The following KCNJ16 variants were observed in gnomAD, a reference collection of about 807,000 sequenced individuals.
KCNJ16 encodes inward rectifier potassium channel 16.
Under a neutral mutation model 18.5 loss-of-function variants are expected in KCNJ16, and 15 were observed. That is an observed-to-expected ratio of 0.81 (90% CI 0.54 to 1.25). KCNJ16 has a LOEUF of 1.25. KCNJ16 is among the 50% of genes most tolerant of loss of function. KCNJ16 has a pLI of 0.00. For synonymous variants in KCNJ16, 174 were observed against 186.5 expected, an observed-to-expected ratio of 0.93 and a Z score of 0.55; for missense variants, 523 against 525.7, an observed-to-expected ratio of 0.99 and a Z score of 0.05.
rs977453964 is a variant in KCNJ16 at position 70,134,187 on chromosome 17, T to G, written c.*843T>G. ...AAGGGACAGGATCATACAGATGAGGTGAGGGGATGGTTAGCAGCGATAAAC... is the reference window on the plus strand; with the variant it reads ...AAGGGACAGGATCATACAGATGAGGGGAGGGGATGGTTAGCAGCGATAAAC... On this transcript the variant is annotated 3_prime_UTR_variant, in exon 4 of 4. Transcript: ENST00000392671. 2.4e-5 allele frequency: 4 copies of G among 166,150 alleles called. No homozygotes were observed. The highest frequency in any genetic ancestry group is 9.7e-5 in the African/African-American group (4 of 41,126). The allele number at this position is 166,150 out of a possible 1,614,324, so 10.3% of individuals were successfully genotyped here.
At chr17:70,113,596 T>C (rs764743369) in intron 2 of KCNJ16, among the ~76,000 whole-genome samples, 1 of 152,182 alleles carries the variant, frequency 6.6e-6, no homozygotes, top group African/African-American at 2.4e-5. Context: ...CAGGGAAAAG[T>C]GCTCCCATCT....
chr17:70,090,997 CTCTTA>C (rs10524283), intron 1 of KCNJ16, among the ~76,000 whole-genome samples: 125,154 of 151,548 alleles, frequency 0.83, 51,879 homozygotes, highest in East Asian at 0.95. Flanking sequence ...GCCTCCACTT[CTCTTA>C]TATGACTCCA....
chr17:70,092,263 C>G (rs1428693448), intron 1 of KCNJ16, among the ~76,000 whole-genome samples: 1 of 152,056 alleles, frequency 6.6e-6, no homozygotes, highest in African/African-American at 2.4e-5. Context: ...GTTTACCTTC[C>G]TCCAAGAAAA....
intron 2 of KCNJ16, among the ~76,000 whole-genome samples, chr17:70,118,005 G>A (rs2073479674): frequency 6.6e-6 from 1 of 152,180 alleles, no homozygotes; most frequent in Admixed American, 6.6e-5. Context: ...ACTCAACTTT[G>A]TAAGTTTGTG....
At chr17:70,128,625 T>C (rs1163246815) in intron 2 of KCNJ16, 5 of 152,272 alleles carry the variant, frequency 3.3e-5, no homozygotes, top group African/African-American at 1.2e-4. Context: ...CATTATTATA[T>C]GTCAGAATAG....
intron 1 of KCNJ16, among the ~76,000 whole-genome samples, chr17:70,091,520 G>C (rs928757119): frequency 3.9e-5 from 6 of 152,054 alleles, no homozygotes; most frequent in Admixed American, 3.9e-4. Context: ...CTCCTTAATA[G>C]GATTTGCTGC....
At chr17:70,120,918 C>T (rs1246492679) in intron 2 of KCNJ16, among the ~76,000 whole-genome samples, 12 of 152,122 alleles carry the variant, frequency 7.9e-5, no homozygotes, top group Non-Finnish European at 1.0e-4. Flanking sequence ...AAAGTGAATA[C>T]TCAAGAAACC....
intron 2 of KCNJ16, 103 bp downstream of exon 2, chr17:70,100,869 C>A (rs931925926): frequency 2.6e-5 from 4 of 152,220 alleles, no homozygotes; most frequent in African/African-American, 7.2e-5. Context: ...TTCCAGAAGT[C>A]CAGCTTTCTA....
intron 1 of KCNJ16, among the ~76,000 whole-genome samples, chr17:70,100,235 G>A (rs989696586): frequency 5.3e-5 from 8 of 152,174 alleles, no homozygotes; most frequent in Non-Finnish European, 8.8e-5. Flanking sequence ...CTTAAAAATT[G>A]TATTCATTTC....
chr17:70,094,281 C>A (rs1191334046), intron 1 of KCNJ16, among the ~76,000 whole-genome samples: 1 of 152,186 alleles, frequency 6.6e-6, no homozygotes, highest in Non-Finnish European at 1.5e-5. Flanking sequence ...CATGGAATAA[C>A]TGTCTCAACT....
chr17:70,092,605 A>AGATG (rs1555585540), intron 1 of KCNJ16, among the ~76,000 whole-genome samples: 1 of 147,452 alleles, frequency 6.8e-6, no homozygotes, highest in South Asian at 2.1e-4. Flanking sequence ...ATAGATAGAT[A>AGATG]GATAGATGAG....
At chr17:70,104,112 G>A (rs2072801483) in intron 2 of KCNJ16, among the ~76,000 whole-genome samples, 1 of 151,722 alleles carries the variant, frequency 6.6e-6, no homozygotes, top group African/African-American at 2.4e-5. Context: ...ACAGGCACAT[G>A]CTACTGTGCC....
intron 2 of KCNJ16, among the ~76,000 whole-genome samples, chr17:70,112,503 T>A (rs753475250): frequency 1.1e-4 from 17 of 148,922 alleles, no homozygotes; most frequent in Admixed American, 2.0e-4. Flanking sequence ...ACTCTATGAA[T>A]GAAAAAAAAA....
intron 1 of KCNJ16, among the ~76,000 whole-genome samples, chr17:70,086,352 C>T (rs760079415): frequency 1.3e-4 from 20 of 152,070 alleles, no homozygotes; most frequent in Non-Finnish European, 2.4e-4. Context: ...ACACATATTA[C>T]TAATGAAGTC....
At chr17:70,086,700 C>T (rs571902521) in intron 1 of KCNJ16, among the ~76,000 whole-genome samples, 219 of 152,038 alleles carry the variant, frequency 1.4e-3, no homozygotes, top group African/African-American at 5.0e-3. Flanking sequence ...TTATAAACTT[C>T]ATTTTAGTGT....
chr17:70,092,559 TGATAGATATAG>T (rs2072159802), intron 1 of KCNJ16, among the ~76,000 whole-genome samples: 3 of 122,014 alleles, frequency 2.5e-5, no homozygotes, highest in African/African-American at 6.2e-5. Flanking sequence ...TATAGATAGA[TGATAGATATAG>T]ATAGATAGAT....
At chr17:70,076,113 T>C (rs929692573) in intron 1 of KCNJ16, among the ~76,000 whole-genome samples, 1 of 152,182 alleles carries the variant, frequency 6.6e-6, no homozygotes, top group Non-Finnish European at 1.5e-5. Flanking sequence ...TTGGTATATT[T>C]AGGTAGTAAA....
rs540341304 is a variant in KCNJ16, at chr17:70,076,536, GATAAATC to G, written c.-300+1147_-300+1153del. Among the ~76,000 whole-genome samples, 29 of 152,230 alleles carry G rather than the reference GATAAATC, an allele frequency of 1.9e-4. No individual in the cohort carries two copies. The East Asian group carries it at 5.2e-3, about 27-fold the overall frequency. On this transcript the variant is annotated intron_variant, in intron 1 of 3. Transcript: ENST00000392671. Reference sequence around the variant, plus strand: ...TTTATTTTTAGAACACGATAATTGTGATAAATCTAAGATTATTAGTCTCATATACAAC... The same window carrying G: ...TTTATTTTTAGAACACGATAATTGTGTAAGATTATTAGTCTCATATACAAC...
intron 2 of KCNJ16, among the ~76,000 whole-genome samples, chr17:70,114,555 C>A (rs2073325277): frequency 6.6e-6 from 1 of 152,114 alleles, no homozygotes; most frequent in East Asian, 1.9e-4. Flanking sequence ...TCATAGGTAA[C>A]CTGGCATTCA....
Sources: allele counts gnomAD v4.1 joint callset (sites outside exome capture counted in the v4.1 genomes callset), GRCh38; gene constraint gnomAD v4.1.1; transcripts MANE v1.5; gene names NCBI Gene and HGNC (gene_info 2026-07-23, HGNC 2026-07-21).